The following ITFG1 variants were observed in gnomAD, a reference collection of about 807,000 sequenced individuals.
ITFG1 encodes T-cell immunomodulatory protein.
ITFG1 carries 34 observed loss-of-function variants against 81.8 expected under a neutral mutation model. The ratio of observed to expected loss-of-function variants is 0.42; its 90% CI spans 0.32 to 0.55. The LOEUF is 0.55. Ranked by LOEUF, ITFG1 falls within the 20% of genes least tolerant of loss-of-function variation. The pLI is 0.17. For synonymous variants in ITFG1, 285 were observed against 270.6 expected (o/e 1.05, Z -0.52); for missense variants, 672 against 755.4 (o/e 0.89, Z 1.29).
chr16:47,173,590 TAA>T (rs1175830399), intron 14 of ITFG1, among the ~76,000 whole-genome samples: 1 of 152,212 alleles, frequency 6.6e-6, no homozygotes, highest in African/African-American at 2.4e-5. Context: ...GTATCTGTGA[TAA>T]GTTTTTAATA....
chr16:47,423,483 C>T (rs1468047663), intron 6 of ITFG1, among the ~76,000 whole-genome samples: 1 of 152,028 alleles, frequency 6.6e-6, no homozygotes, highest in Non-Finnish European at 1.5e-5. Flanking sequence ...TTATGATGCT[C>T]GCTGGTTATT....
At chr16:47,281,181 C>T (rs927887835) in intron 10 of ITFG1, among the ~76,000 whole-genome samples, 1 of 152,104 alleles carries the variant, frequency 6.6e-6, no homozygotes, top group African/African-American at 2.4e-5. Flanking sequence ...GAACAGAATC[C>T]TTAACAAATG....
intron 7 of ITFG1, among the ~76,000 whole-genome samples, chr16:47,373,613 A>G (rs1188144452): frequency 6.6e-6 from 1 of 152,114 alleles, no homozygotes; most frequent in Non-Finnish European, 1.5e-5. Context: ...GCCTTCACTG[A>G]TAATTCTGGA....
At chr16:47,403,233 T>G (rs1261554724) in intron 6 of ITFG1, among the ~76,000 whole-genome samples, 1 of 151,926 alleles carries the variant, frequency 6.6e-6, no homozygotes, top group Non-Finnish European at 1.5e-5. Flanking sequence ...CCTACCTTTT[T>G]TTTTTTTTTT....
chr16:47,184,137 C>G (rs536990480), intron 14 of ITFG1, among the ~76,000 whole-genome samples: 1 of 152,126 alleles, frequency 6.6e-6, no homozygotes, highest in East Asian at 1.9e-4. Context: ...GTGAAAAGAC[C>G]AAATCTACGT....
intron 6 of ITFG1, chr16:47,425,997 T>C (rs908935497): frequency 3.3e-5 from 5 of 152,224 alleles, no homozygotes; most frequent in Admixed American, 6.5e-5. Flanking sequence ...TTTTCTGTAC[T>C]GGTAACATTT....
chr16:47,404,704 C>G (rs576925580), intron 6 of ITFG1, among the ~76,000 whole-genome samples: 1 of 152,234 alleles, frequency 6.6e-6, no homozygotes, highest in South Asian at 2.1e-4. Flanking sequence ...AATGTTATCA[C>G]TTTTCTGAAA....
At chr16:47,304,761 T>C (rs964359109) in intron 10 of ITFG1, among the ~76,000 whole-genome samples, 4 of 152,170 alleles carry the variant, frequency 2.6e-5, no homozygotes, top group Non-Finnish European at 5.9e-5. Context: ...TTCATACAGA[T>C]GGTTAAGATT....
chr16:47,161,984 G>T, intron 15 of ITFG1, 152 bp from the exon 16 acceptor site: 1 of 566,684 alleles, frequency 1.8e-6, no homozygotes, highest in Non-Finnish European at 3.1e-6. Flanking sequence ...CCAAAAATAA[G>T]GCTTTTGTGC....
chr16:47,321,976 CA>C (rs1967455101), intron 8 of ITFG1, among the ~76,000 whole-genome samples: 2 of 151,986 alleles, frequency 1.3e-5, no homozygotes, highest in South Asian at 4.2e-4. Context: ...ACAATTTCTT[CA>C]AAATATTAAT....
chr16:47,319,120 T>C (rs570851434), intron 8 of ITFG1, among the ~76,000 whole-genome samples: 7 of 152,342 alleles, frequency 4.6e-5, no homozygotes, highest in African/African-American at 9.6e-5. Flanking sequence ...AAATCACACA[T>C]TGATCATTTG....
At chr16:47,315,854 G>A (rs546825411) in intron 8 of ITFG1, among the ~76,000 whole-genome samples, 245 of 151,444 alleles carry the variant, frequency 1.6e-3, no homozygotes, top group African/African-American at 5.7e-3. Flanking sequence ...GCAGTGGCAC[G>A]ATCTCAGCTC....
intron 10 of ITFG1, among the ~76,000 whole-genome samples, chr16:47,298,037 C>A (rs1300891572): frequency 6.6e-6 from 1 of 151,922 alleles, no homozygotes; most frequent in African/African-American, 2.4e-5. Flanking sequence ...TTTTTTCTGA[C>A]TCTATTAATT....
At chr16:47,173,725 A>G (rs897243816) in intron 14 of ITFG1, among the ~76,000 whole-genome samples, 1 of 152,208 alleles carries the variant, frequency 6.6e-6, no homozygotes, top group East Asian at 1.9e-4. Flanking sequence ...CTTCAAGTAC[A>G]TGTTATTTAT....
At chr16:47,212,282 T>A (rs901775579) in intron 14 of ITFG1, among the ~76,000 whole-genome samples, 14 of 152,216 alleles carry the variant, frequency 9.2e-5, no homozygotes, top group African/African-American at 3.4e-4. Flanking sequence ...GGTGCAATTG[T>A]GGCTCACTGT....
At chr16:47,171,283 C>T (rs1055785693) in intron 14 of ITFG1, among the ~76,000 whole-genome samples, 2 of 152,156 alleles carry the variant, frequency 1.3e-5, no homozygotes, top group Non-Finnish European at 2.9e-5. Context: ...GTTGGGATTA[C>T]AGGTGTGAGC....
At chr16:47,293,157 GATATATA>G (rs975124013) in intron 10 of ITFG1, among the ~76,000 whole-genome samples, 34 of 144,916 alleles carry the variant, frequency 2.3e-4, no homozygotes, top group Admixed American at 2.1e-3. Context: ...ATACAAGCAT[GATATATA>G]ATATATATCA....
intron 6 of ITFG1, among the ~76,000 whole-genome samples, chr16:47,381,919 A>T (rs1456999019): frequency 6.6e-6 from 1 of 152,198 alleles, no homozygotes; most frequent in African/African-American, 2.4e-5. Flanking sequence ...TACAAACAAG[A>T]TGATCAAATA....
chr16:47,405,376 T>C (rs1968715520), intron 6 of ITFG1, among the ~76,000 whole-genome samples: 1 of 152,192 alleles, frequency 6.6e-6, no homozygotes, highest in African/African-American at 2.4e-5. Context: ...AGTTTAAAAA[T>C]AGGTTTTAGG....
Sources: allele counts gnomAD v4.1 joint callset (sites outside exome capture counted in the v4.1 genomes callset), GRCh38; gene constraint gnomAD v4.1.1; transcripts MANE v1.5; gene names NCBI Gene and HGNC (gene_info 2026-07-23, HGNC 2026-07-21).